DAB1: variants seen among roughly 807,000 people sequenced by gnomAD.
DAB1 encodes the protein disabled homolog 1.
In DAB1, 15 loss-of-function variants were observed where a neutral mutation model predicts 64.6. The ratio of observed to expected loss-of-function variants is 0.23; its 90% CI spans 0.16 to 0.36. The LOEUF is 0.36. Ranked by LOEUF, DAB1 falls within the 10% of genes least tolerant of loss-of-function variation. DAB1 has a pLI of 1.00. For synonymous variants in DAB1, 235 were observed against 251.9 expected, an observed-to-expected ratio of 0.93 and a Z score of 0.64; for missense variants, 596 against 706.7, an observed-to-expected ratio of 0.84 and a Z score of 1.78.
chr1:58,420,018 T>G (rs1301652850), intron 3 of DAB1, among the ~76,000 whole-genome samples: 4 of 152,228 alleles, frequency 2.6e-5, no homozygotes, highest in Admixed American at 2.6e-4. Context: ...TTTTACCATT[T>G]CCTATGTAAT....
chr1:57,170,416 A>C (rs1050450156), intron 2 of DAB1, among the ~76,000 whole-genome samples: 2 of 152,216 alleles, frequency 1.3e-5, no homozygotes, highest in Admixed American at 1.3e-4. Context: ...ATAAGTGTTT[A>C]ATAAATGTGA....
intron 4 of DAB1, among the ~76,000 whole-genome samples, chr1:58,304,439 A>T (rs1184120380): frequency 1.3e-5 from 2 of 152,214 alleles, no homozygotes; most frequent in Admixed American, 1.3e-4. Flanking sequence ...AGGTAGAATA[A>T]TATGTAACCA....
intron 3 of DAB1, among the ~76,000 whole-genome samples, chr1:58,387,845 G>C (rs1273215578): frequency 6.7e-6 from 1 of 149,126 alleles, no homozygotes; most frequent in African/African-American, 2.5e-5. Context: ...TCCTGCCTCA[G>C]CCTCTGAAGT....
At chr1:58,460,324 G>A (rs1291425100) in intron 3 of DAB1, among the ~76,000 whole-genome samples, 1 of 152,212 alleles carries the variant, frequency 6.6e-6, no homozygotes, top group African/African-American at 2.4e-5. Flanking sequence ...ACTGGGCAGG[G>A]AAGGAGGGTG....
At chr1:57,605,919 C>T in intron 7 of DAB1, 1 of 686,030 alleles carries the variant, frequency 1.5e-6, no homozygotes, top group South Asian at 1.4e-5. Context: ...GCTTAACAAT[C>T]TCAGAAGGAC....
At chr1:57,493,716 A>G (rs1644193946) in intron 7 of DAB1, among the ~76,000 whole-genome samples, 1 of 151,622 alleles carries the variant, frequency 6.6e-6, no homozygotes, top group South Asian at 2.1e-4. Flanking sequence ...TGAGACCGAA[A>G]GATGAAGAAA....
At chr1:58,067,281 A>C (rs6677854) in intron 5 of DAB1, among the ~76,000 whole-genome samples, 22,752 of 152,260 alleles carry the variant, frequency 0.15, 1,843 homozygotes, top group East Asian at 0.31. Context: ...GGCCTAGCCC[A>C]GTGCCTGGCA....
chr1:57,395,487 G>T (rs1168692759), intron 1 of DAB1, among the ~76,000 whole-genome samples: 10 of 152,152 alleles, frequency 6.6e-5, no homozygotes, highest in Admixed American at 6.5e-4. Flanking sequence ...CACCCCTTGA[G>T]CCACTACCAC....
intron 5 of DAB1, among the ~76,000 whole-genome samples, chr1:57,932,922 C>A (rs1003831562): frequency 6.6e-6 from 1 of 152,160 alleles, no homozygotes; most frequent in Non-Finnish European, 1.5e-5. Flanking sequence ...TCTCATAAAA[C>A]CCCATGTTAG....
At chr1:57,839,975 C>G (rs749915955) in intron 1 of DAB1, among the ~76,000 whole-genome samples, 2 of 152,078 alleles carry the variant, frequency 1.3e-5, no homozygotes, top group Non-Finnish European at 2.9e-5. Context: ...ATGGAGGGAG[C>G]CTTCCATGTG....
At chr1:58,487,427 T>C (rs1209495615) in intron 3 of DAB1, among the ~76,000 whole-genome samples, 1 of 152,258 alleles carries the variant, frequency 6.6e-6, no homozygotes, top group Non-Finnish European at 1.5e-5. Flanking sequence ...TAAATTCTTT[T>C]AAAGTTATTG....
At chr1:57,255,216 T>C (rs1669674486) in intron 2 of DAB1, among the ~76,000 whole-genome samples, 1 of 152,166 alleles carries the variant, frequency 6.6e-6, no homozygotes, top group Non-Finnish European at 1.5e-5. Flanking sequence ...GCAGGCTCCA[T>C]AACAATCATT....
At chr1:57,256,138 C>T (rs1669743191) in intron 2 of DAB1, among the ~76,000 whole-genome samples, 1 of 152,134 alleles carries the variant, frequency 6.6e-6, no homozygotes, top group African/African-American at 2.4e-5. Flanking sequence ...TTACATTTCA[C>T]ATCCAAATTA....
At chr1:57,165,822 A>G (rs1277006370) in intron 2 of DAB1, among the ~76,000 whole-genome samples, 1 of 152,188 alleles carries the variant, frequency 6.6e-6, no homozygotes, top group Non-Finnish European at 1.5e-5. Context: ...TGTGGAGATA[A>G]GTAAGATAAA....
intron 7 of DAB1, among the ~76,000 whole-genome samples, chr1:57,597,676 G>C (rs1317783412): frequency 1.3e-5 from 2 of 152,242 alleles, no homozygotes; most frequent in African/African-American, 4.8e-5. Context: ...GAATGGGCCA[G>C]CCTTTTCAGG....
chr1:57,963,529 T>C (rs1353201338), intron 5 of DAB1, among the ~76,000 whole-genome samples: 1 of 152,220 alleles, frequency 6.6e-6, no homozygotes, highest in African/African-American at 2.4e-5. Flanking sequence ...CCAGAACCTA[T>C]TACAAGCCCG....
intron 5 of DAB1, among the ~76,000 whole-genome samples, chr1:57,890,966 T>C (rs1454548236): frequency 6.6e-6 from 1 of 152,186 alleles, no homozygotes; most frequent in African/African-American, 2.4e-5. Context: ...AAAGACTTCA[T>C]GACTAAAACA....
At chr1:57,972,824 C>G (rs1344425179) in intron 5 of DAB1, among the ~76,000 whole-genome samples, 2 of 152,232 alleles carry the variant, frequency 1.3e-5, no homozygotes, top group Admixed American at 1.3e-4. Flanking sequence ...CCCTCACATT[C>G]ACCTATAGCC....
intron 5 of DAB1, among the ~76,000 whole-genome samples, chr1:57,974,629 T>C (rs1645875777): frequency 6.6e-6 from 1 of 152,074 alleles, no homozygotes; most frequent in Admixed American, 6.6e-5. Context: ...ATTTGACAGG[T>C]AGCCAGAATT....
Sources: gnomAD v4.1 joint callset for allele counts (sites outside exome capture counted in the v4.1 genomes callset) on GRCh38, gnomAD v4.1.1 for gene constraint, MANE v1.5 for transcripts, NCBI Gene and HGNC (gene_info 2026-07-23, HGNC 2026-07-21) for gene names.